Variants in GCNT2 observed in about 807,000 individuals in gnomAD.
GCNT2 encodes the protein N-acetyllactosaminide beta-1,6-N-acetylglucosaminyl-transferase.
Under a neutral mutation model 34.2 loss-of-function variants are expected in GCNT2, and 34 were observed. The ratio of observed to expected loss-of-function variants is 1.00; its 90% CI spans 0.76 to 1.32. The LOEUF (loss-of-function observed/expected upper bound fraction) is 1.32. Among genes scored for constraint, GCNT2 ranks in the 40% most tolerant of loss-of-function variants. The probability of loss-of-function intolerance (pLI) is 0.00; values close to 1 mark genes in which losing one functional copy is unlikely to be tolerated. For synonymous variants in GCNT2, 212 were observed against 188.0 expected (o/e 1.13, Z -1.04); for missense variants, 584 against 489.4 (o/e 1.19, Z -1.82).
In GCNT2 at chr6:10,529,851, T is replaced by G; in HGVS notation, c.925+15T>G. 1.9e-6 allele frequency: 3 copies of G among 1,598,374 alleles called. No individual in the cohort carries two copies. The highest frequency in any genetic ancestry group is 2.6e-6 in the Non-Finnish European group (3 of 1,166,540). ...CAGGATTCCCGGTATGTACGTCTCT[T>G]AACTTTTATTTTTACGAATAAACAC... On this transcript the variant is annotated intron_variant, in intron 3 of 4. Transcript: ENST00000495262.
intron 3 of GCNT2, chr6:10,586,811 C>A (rs137864542): frequency 3.1e-6 from 5 of 1,613,522 alleles, no homozygotes; most frequent in Non-Finnish European, 4.2e-6. Context: ...GAGACTTTGT[C>A]GACTTTGTTC....
intron 3 of GCNT2, among the ~76,000 whole-genome samples, chr6:10,593,457 G>C (rs1327230515): frequency 6.6e-6 from 1 of 152,072 alleles, no homozygotes; most frequent in Non-Finnish European, 1.5e-5. Context: ...CCTGCCTCAG[G>C]CTGCCAAGTA....
At chr6:10,606,235 A>T (rs1244636243) in intron 3 of GCNT2, among the ~76,000 whole-genome samples, 1 of 152,206 alleles carries the variant, frequency 6.6e-6, no homozygotes, top group Non-Finnish European at 1.5e-5. Flanking sequence ...GAATCGCTTG[A>T]ACCCAGGAGG....
At chr6:10,566,110 G>A (rs565492123) in intron 3 of GCNT2, among the ~76,000 whole-genome samples, 80 of 151,388 alleles carry the variant, frequency 5.3e-4, no homozygotes, top group African/African-American at 1.9e-3. Flanking sequence ...TTCCTGCCCT[G>A]ACGCATGCAG....
intron 3 of GCNT2, among the ~76,000 whole-genome samples, chr6:10,560,351 A>G (rs919992469): frequency 4.6e-5 from 7 of 152,174 alleles, no homozygotes; most frequent in Non-Finnish European, 7.4e-5. Context: ...TCGGCCTCCC[A>G]AAGTGCTGGG....
chr6:10,600,464 G>A (rs1431086698), intron 3 of GCNT2, among the ~76,000 whole-genome samples: 1 of 152,042 alleles, frequency 6.6e-6, no homozygotes, highest in Admixed American at 6.6e-5. Flanking sequence ...TTTTGATAGT[G>A]GTATAGAGTC....
intron 3 of GCNT2, among the ~76,000 whole-genome samples, chr6:10,587,947 G>T (rs1366517300): frequency 1.3e-5 from 2 of 152,094 alleles, no homozygotes; most frequent in Non-Finnish European, 1.5e-5. Flanking sequence ...ACACCTGCCT[G>T]CCATTCTTGA....
At chr6:10,596,504 G>C (rs9466907) in intron 3 of GCNT2, among the ~76,000 whole-genome samples, 16,761 of 151,742 alleles carry the variant, frequency 0.11, 1,102 homozygotes, top group Middle Eastern at 0.17. Flanking sequence ...CTGGGCAAGA[G>C]AGTGAGACTC....
chr6:10,570,327 A>G (rs1763502051), intron 3 of GCNT2, among the ~76,000 whole-genome samples: 2 of 152,214 alleles, frequency 1.3e-5, no homozygotes, highest in African/African-American at 4.8e-5. Flanking sequence ...TTTTGACACC[A>G]CATTTCTGGA....
At chr6:10,613,180 C>T (rs1765630428) in intron 3 of GCNT2, among the ~76,000 whole-genome samples, 2 of 152,180 alleles carry the variant, frequency 1.3e-5, no homozygotes, top group Non-Finnish European at 2.9e-5. Context: ...AACGTCAAGT[C>T]AATATAAATA....
At position 10,529,316 on chromosome 6, in the gene GCNT2, C is replaced by G; in HGVS notation, c.405C>G (p.Ala135=). 1 of 1,614,140 alleles carries G rather than the reference C, an allele frequency of 6.2e-7. No homozygotes were observed. Among genetic ancestry groups the G allele is most frequent in the Non-Finnish European group, 8.5e-7 (1 of 1,180,030 alleles). ...ACCTGGATCAGAAGGCGACGGATGC[C>G]TTTAAAGGTGCAGTGAAACAGTTAC... ...CVHLDQKATD[A]FKGAVKQLLS... is the part of the protein sequence containing the mutation. The change falls in exon 3 of 5, where the codon GCC becomes GCG. Residue 135 remains alanine, a synonymous_variant. Transcript: ENST00000495262.
chr6:10,531,210 C>G (rs747735972), intron 3 of GCNT2, among the ~76,000 whole-genome samples: 23 of 152,170 alleles, frequency 1.5e-4, no homozygotes, highest in Non-Finnish European at 2.8e-4. Context: ...TCAATAAGGT[C>G]TCAATTGTTG....
chr6:10,573,077 A>G (rs1763624033), intron 3 of GCNT2: 1 of 535,326 alleles, frequency 1.9e-6, no homozygotes, highest in African/African-American at 2.1e-5. Flanking sequence ...AGAAGTTGCA[A>G]GAAATCACTG....
At chr6:10,545,828 G>T (rs544566714) in intron 3 of GCNT2, among the ~76,000 whole-genome samples, 1 of 152,248 alleles carries the variant, frequency 6.6e-6, no homozygotes, top group South Asian at 2.1e-4. Flanking sequence ...GGTTAAGATG[G>T]CAGGGTAAAT....
intron 3 of GCNT2, among the ~76,000 whole-genome samples, chr6:10,558,212 A>G (rs966830392): frequency 6.6e-6 from 1 of 152,124 alleles, no homozygotes; most frequent in African/African-American, 2.4e-5. Context: ...AGCCAGGGTT[A>G]TTTTCTATCT....
chr6:10,611,283 A>T (rs531695172), intron 3 of GCNT2, among the ~76,000 whole-genome samples: 1 of 22,880 alleles, frequency 4.4e-5, no homozygotes, highest in Non-Finnish European at 1.0e-4. Context: ...CAATTGATCA[A>T]TTGAACCAGT....
intron 3 of GCNT2, among the ~76,000 whole-genome samples, chr6:10,552,563 A>G (rs1425639468): frequency 6.6e-6 from 1 of 151,898 alleles, no homozygotes; most frequent in Non-Finnish European, 1.5e-5. Flanking sequence ...TTTACATTGT[A>G]TTCGGTATTA....
chr6:10,534,570 C>CGGCTGA (rs1169558135), intron 3 of GCNT2, among the ~76,000 whole-genome samples: 2 of 152,146 alleles, frequency 1.3e-5, no homozygotes, highest in African/African-American at 4.8e-5. Context: ...TCTCAGGCTG[C>CGGCTGA]GGCTGACGTC....
intron 3 of GCNT2, among the ~76,000 whole-genome samples, chr6:10,550,810 A>G (rs1762447239): frequency 6.6e-6 from 1 of 152,186 alleles, no homozygotes. Flanking sequence ...ACTCACCTGG[A>G]ACCTACTGAA....
Sources: gnomAD v4.1 joint callset for allele counts (sites outside exome capture counted in the v4.1 genomes callset) on GRCh38, gnomAD v4.1.1 for gene constraint, MANE v1.5 for transcripts, NCBI Gene and HGNC (gene_info 2026-07-23, HGNC 2026-07-21) for gene names.